The following N4BP1 variants were observed in gnomAD, a reference collection of about 807,000 sequenced individuals.
N4BP1 encodes the protein NEDD4-binding protein 1.
In N4BP1, 21 loss-of-function variants were observed where a neutral mutation model predicts 70.9. That is an observed-to-expected ratio of 0.30 (90% CI 0.21 to 0.43). The LOEUF (loss-of-function observed/expected upper bound fraction) is 0.43, where lower values mean the gene tolerates loss of function less well. Ranked by LOEUF, N4BP1 falls within the 20% of genes least tolerant of loss-of-function variation. The probability of loss-of-function intolerance (pLI) is 1.00; values close to 1 mark genes in which losing one functional copy is unlikely to be tolerated. For synonymous variants in N4BP1, 387 were observed against 394.6 expected (o/e 0.98, Z 0.23); for missense variants, 936 against 1,069.4 (o/e 0.88, Z 1.74).
intron 1 of N4BP1, among the ~76,000 whole-genome samples, chr16:48,595,199 C>T (rs768550510): frequency 9.9e-5 from 15 of 151,988 alleles, no homozygotes; most frequent in South Asian, 2.1e-4. Flanking sequence ...TGGTGGCTCA[C>T]GCCTGTAATC....
Position 48,561,720 on chromosome 16 carries a change from T to C in N4BP1, c.923A>G (p.Glu308Gly). 2 of 1,612,194 alleles carry C rather than the reference T, an allele frequency of 1.2e-6. No individual in the cohort carries two copies. The highest frequency in any genetic ancestry group is 8.5e-7 in the Non-Finnish European group (1 of 1,179,878). The change falls in exon 2 of 7, where the codon GAG (glutamate) becomes GGG (glycine). Residue 308 changes from glutamate (E) to glycine (G), a missense_variant. Physicochemically the swap from Glu to Gly is moderately conservative, Grantham distance 98 (BLOSUM62 -2). Transcript: ENST00000262384. ...CAATGTCTTAGCATCGTGTAAAATC[T>C]CCCCCTCCTGAACATTTTCCAAAGA... ...QFSLENVQEG[E>G]ILHDAKTLAG...
chr16:48,589,878 T>C (rs1964307862), intron 1 of N4BP1, among the ~76,000 whole-genome samples: 1 of 152,226 alleles, frequency 6.6e-6, no homozygotes, highest in African/African-American at 2.4e-5. Flanking sequence ...TTGCTGGGTG[T>C]AGGTCGAAAT....
intron 1 of N4BP1, among the ~76,000 whole-genome samples, chr16:48,564,878 C>A (rs114151325): frequency 0.017 from 2,576 of 152,234 alleles, 71 homozygotes; most frequent in African/African-American, 0.058. Flanking sequence ...AAATCCTGTA[C>A]ATGTTTTGCT....
chr16:48,597,449 A>G (rs1964432770), intron 1 of N4BP1, among the ~76,000 whole-genome samples: 1 of 152,228 alleles, frequency 6.6e-6, no homozygotes, highest in South Asian at 2.1e-4. Flanking sequence ...AGCAGTAGAC[A>G]CCGAAAATTT....
At chr16:48,592,779 C>G (rs1964356632) in intron 1 of N4BP1, among the ~76,000 whole-genome samples, 1 of 152,218 alleles carries the variant, frequency 6.6e-6, no homozygotes, top group Non-Finnish European at 1.5e-5. Context: ...GCTCTAAGGT[C>G]ATAAACTGCT....
At chr16:48,604,246 T>G (rs1464544903) in intron 1 of N4BP1, among the ~76,000 whole-genome samples, 1 of 152,190 alleles carries the variant, frequency 6.6e-6, no homozygotes, top group Non-Finnish European at 1.5e-5. Flanking sequence ...TCAAATGCCC[T>G]CTTCAAGTAT....
At chr16:48,594,520 A>G (rs1964382610) in intron 1 of N4BP1, among the ~76,000 whole-genome samples, 1 of 152,020 alleles carries the variant, frequency 6.6e-6, no homozygotes, top group Admixed American at 6.6e-5. Context: ...ACACCCAGCT[A>G]ATTTTTGTAT....
At chr16:48,563,929 C>G (rs1963899199) in intron 1 of N4BP1, among the ~76,000 whole-genome samples, 1 of 152,150 alleles carries the variant, frequency 6.6e-6, no homozygotes, top group African/African-American at 2.4e-5. Flanking sequence ...CTCCTTCTAG[C>G]TATTTGAAAC....
intron 1 of N4BP1, among the ~76,000 whole-genome samples, chr16:48,567,085 A>C (rs1245948871): frequency 1.3e-5 from 2 of 152,052 alleles, no homozygotes; most frequent in African/African-American, 4.8e-5. Flanking sequence ...CATTTTACTT[A>C]CCTGTAATAT....
At chr16:48,604,582 C>CA (rs796232892) in intron 1 of N4BP1, among the ~76,000 whole-genome samples, 1,294 of 109,610 alleles carry the variant, frequency 0.012, 14 homozygotes, top group African/African-American at 0.046. Flanking sequence ...AACAAACAAA[C>CA]AAAAAAAAAC....
chr16:48,572,140 A>G (rs946783472), intron 1 of N4BP1, among the ~76,000 whole-genome samples: 2 of 152,214 alleles, frequency 1.3e-5, no homozygotes, highest in Non-Finnish European at 2.9e-5. Context: ...TCGAGGCTGC[A>G]GTGAGCCATG....
In N4BP1 at chr16:48,543,122, G is replaced by A; in HGVS notation, c.2473C>T (p.Pro825Ser). ...IQGAPSSHWL[P>S]QQPHFPLLPA... ...AGCAGTGGGAAGTGGGGCTGCTGAG[G>A]GAGCCAGTGGCTTGAAGGGGCTCCC... Residue 825 changes from proline (P) to serine (S), a missense_variant, in exon 7 of 7, where the codon CCT becomes TCT. Around this residue, in one of 4 missense-constraint regions of N4BP1, gnomAD observed 229 missense variants for 343.5 expected, o/e 0.67. Coordinates refer to ENST00000262384, the MANE Select transcript of N4BP1 (RefSeq NM_153029.4). The A allele has an allele frequency of 1.9e-6, 3 of 1,610,736 alleles. No homozygotes were observed. Among genetic ancestry groups the A allele is most frequent in the Non-Finnish European group, 2.5e-6 (3 of 1,177,130 alleles).
At chr16:48,594,907 C>A (rs1394225619) in intron 1 of N4BP1, among the ~76,000 whole-genome samples, 2 of 152,004 alleles carry the variant, frequency 1.3e-5, no homozygotes, top group African/African-American at 2.4e-5. Flanking sequence ...TTTTTTCATC[C>A]ACAGACAACT....
chr16:48,571,655 G>A (rs981762838), intron 1 of N4BP1, among the ~76,000 whole-genome samples: 2 of 151,870 alleles, frequency 1.3e-5, no homozygotes, highest in African/African-American at 4.8e-5. Flanking sequence ...AAAAGAAGAG[G>A]AAAAGGAAAG....
rs1963706962 is a variant in N4BP1, at chr16:48,553,621, A to G, written c.1938T>C (p.Val646=). 1 of 1,604,500 alleles carries G rather than the reference A, an allele frequency of 6.2e-7. No homozygotes were observed. Among genetic ancestry groups the G allele is most frequent in the Non-Finnish European group, 8.5e-7 (1 of 1,175,860 alleles). ...FFSCRGIAIA[V]EYFWKLGNRN... Reference sequence around the variant, plus strand: ...TGTTGCCAAGCTTCCAAAAATATTCAACTGCAATTGCAATTCCACGACAAG... The same window carrying G: ...TGTTGCCAAGCTTCCAAAAATATTCGACTGCAATTGCAATTCCACGACAAG... The change falls in exon 3 of 7, where the codon GTT becomes GTC. Residue 646 remains valine (V), a synonymous_variant. Transcript: ENST00000262384.
At chr16:48,543,539 A>C (rs915056138) in intron 6 of N4BP1, among the ~76,000 whole-genome samples, 6 of 152,136 alleles carry the variant, frequency 3.9e-5, no homozygotes, top group African/African-American at 4.8e-5. Flanking sequence ...GACTGACCCC[A>C]TCCAGCTGTT....
intron 1 of N4BP1, among the ~76,000 whole-genome samples, chr16:48,565,235 A>G (rs1963923919): frequency 6.6e-6 from 1 of 152,214 alleles, no homozygotes; most frequent in South Asian, 2.1e-4. Context: ...TGCCTTGTTA[A>G]TGATCTACAG....
At chr16:48,562,655 T>C (rs1284371928) in intron 1 of N4BP1, among the ~76,000 whole-genome samples, 1 of 152,212 alleles carries the variant, frequency 6.6e-6, no homozygotes, top group Non-Finnish European at 1.5e-5. Flanking sequence ...AAACTCTGCA[T>C]CCAAATCTAA....
chr16:48,589,628 C>T (rs9931737), intron 1 of N4BP1, among the ~76,000 whole-genome samples: 61,743 of 151,882 alleles, frequency 0.41, 13,581 homozygotes, highest in African/African-American at 0.57. Flanking sequence ...AGCTAATTAA[C>T]AAAACCCATG....
Sources: allele counts gnomAD v4.1 joint callset (sites outside exome capture counted in the v4.1 genomes callset), GRCh38; gene constraint gnomAD v4.1.1; regional missense constraint gnomAD v4.1.1; transcripts MANE v1.5; gene names NCBI Gene and HGNC (gene_info 2026-07-23, HGNC 2026-07-21).